RETREG3: variants seen among roughly 807,000 people sequenced by gnomAD.
The protein encoded by RETREG3 is reticulophagy regulator 3.
RETREG3 carries 23 observed loss-of-function variants against 50.2 expected under a neutral mutation model. The observed-to-expected ratio is 0.46, with a 90% confidence interval of 0.33 to 0.65. The LOEUF is 0.65. Ranked by LOEUF, RETREG3 falls within the 30% of genes least tolerant of loss-of-function variation. The probability of loss-of-function intolerance (pLI) is 0.02; values close to 1 mark genes in which losing one functional copy is unlikely to be tolerated. For missense variants in RETREG3, 546 were observed against 598.0 expected (o/e 0.91, Z 0.91); for synonymous variants, 240 against 234.4 (o/e 1.02, Z -0.22).
At chr17:42,605,091 A>G (rs1238293503) in intron 1 of RETREG3, among the ~76,000 whole-genome samples, 1 of 152,154 alleles carries the variant, frequency 6.6e-6, no homozygotes, top group Non-Finnish European at 1.5e-5. Context: ...GTACCTGAAA[A>G]AAAAAAAAGT....
At chr17:42,600,294 G>A (rs970590172) in intron 1 of RETREG3, among the ~76,000 whole-genome samples, 4 of 151,920 alleles carry the variant, frequency 2.6e-5, no homozygotes, top group African/African-American at 9.7e-5. Context: ...GAGGTGGGAG[G>A]ATTGCTAGAG....
chr17:42,599,360 A>C (rs1363096005), intron 1 of RETREG3, among the ~76,000 whole-genome samples: 1 of 152,034 alleles, frequency 6.6e-6, no homozygotes, highest in Non-Finnish European at 1.5e-5. Flanking sequence ...GGAAAAATTG[A>C]AATAGGGTTG....
At chr17:42,595,581 T>G (rs796415030) in intron 1 of RETREG3, among the ~76,000 whole-genome samples, 51 of 152,012 alleles carry the variant, frequency 3.4e-4, no homozygotes, top group African/African-American at 1.2e-3. Context: ...AAAAATAACA[T>G]TTTAAAATCA....
chr17:42,582,504 GA>G (rs1362061103), intron 8 of RETREG3, among the ~76,000 whole-genome samples, 169 bp downstream of exon 8: 2 of 152,222 alleles, frequency 1.3e-5, no homozygotes, highest in Non-Finnish European at 2.9e-5. Flanking sequence ...AAGTCTTCAA[GA>G]AGGGCAGCAG....
At chr17:42,598,940 TTTA>T in intron 1 of RETREG3, 1 of 152,134 alleles carries the variant, frequency 6.6e-6, no homozygotes, top group East Asian at 1.9e-4. Flanking sequence ...TGTTTACCAG[TTTA>T]TTATAAGGGA....
chr17:42,596,535 A>ATCTCTAAAG (rs2093145458), intron 1 of RETREG3: 1 of 152,034 alleles, frequency 6.6e-6, no homozygotes, highest in African/African-American at 2.4e-5. Flanking sequence ...TTCCTTACCC[A>ATCTCTAAAG]TACCATCTCT....
chr17:42,597,527 A>G (rs1181482805), intron 1 of RETREG3, among the ~76,000 whole-genome samples: 1,307 of 128,412 alleles, frequency 0.01, 18 homozygotes, highest in Non-Finnish European at 0.014. Flanking sequence ...GTGTGTGTAT[A>G]TATATATATA....
chr17:42,604,175 C>T (rs1026188525), intron 1 of RETREG3, among the ~76,000 whole-genome samples: 6 of 150,958 alleles, frequency 4.0e-5, no homozygotes, highest in Non-Finnish European at 7.4e-5. Flanking sequence ...TTTGGGGGGG[C>T]GGACAAAAAT....
intron 1 of RETREG3, among the ~76,000 whole-genome samples, chr17:42,605,617 G>C (rs929557378): frequency 6.6e-6 from 1 of 152,126 alleles, no homozygotes; most frequent in Non-Finnish European, 1.5e-5. Context: ...CCAAGTTTCT[G>C]GGGACTTAAC....
In RETREG3 at chr17:42,582,800, C is replaced by T. The variant is rs150018457; in HGVS notation, c.817G>A (p.Asp273Asn). Residue 273 changes from aspartate to asparagine, a missense_variant, in exon 8 of 9, where the codon GAT becomes AAT. Physicochemically the swap from Asp to Asn is conservative, Grantham distance 23 (BLOSUM62 1). Coordinates refer to ENST00000309428, the MANE Select transcript of RETREG3 (RefSeq NM_178126.4). ...ELAAFCPQLD[D>N]STVARELAIT... is the part of the protein sequence containing the mutation. ...GCCAATTCCCTGGCAACAGTAGAAT[C>T]GTCCAGCTTAGGAAAAGACCAACAA... is the stretch of plus-strand genomic sequence containing the variant. 1.0e-4 allele frequency: 163 copies of T among 1,614,184 alleles called. No individual in the cohort carries two copies. In the African/African-American group the frequency reaches 2.0e-3, roughly 19 times the overall value.
chr17:42,590,264 G>C (rs2093129898), intron 2 of RETREG3, among the ~76,000 whole-genome samples: 1 of 152,098 alleles, frequency 6.6e-6, no homozygotes, highest in Admixed American at 6.5e-5. Flanking sequence ...CCAGCTAATT[G>C]GGAGACTGAG....
At chr17:42,606,636 T>G (rs946098263) in intron 1 of RETREG3, among the ~76,000 whole-genome samples, 9 of 151,600 alleles carry the variant, frequency 5.9e-5, no homozygotes, top group African/African-American at 2.2e-4. Context: ...AAAGGTCCCC[T>G]CCTCAAAAAG....
chr17:42,608,979 A>T, intron 1 of RETREG3, 107 bp downstream of exon 1: 1 of 1,167,536 alleles, frequency 8.6e-7, no homozygotes. Context: ...AGGCAAGTAC[A>T]GGAAGGAGCC....
chr17:42,598,468 C>T (rs1282665815), intron 1 of RETREG3, among the ~76,000 whole-genome samples: 2 of 152,102 alleles, frequency 1.3e-5, no homozygotes, highest in East Asian at 3.8e-4. Context: ...CCCATTACCC[C>T]GTCATAAAAG....
intron 1 of RETREG3, among the ~76,000 whole-genome samples, chr17:42,607,221 G>A (rs1320551800): frequency 6.6e-6 from 1 of 152,000 alleles, no homozygotes; most frequent in Non-Finnish European, 1.5e-5. Flanking sequence ...GCACTTGGCT[G>A]GGCACGGTGG....
intron 1 of RETREG3, among the ~76,000 whole-genome samples, chr17:42,602,062 A>C (rs2093159733): frequency 6.6e-6 from 1 of 152,106 alleles, no homozygotes; most frequent in Non-Finnish European, 1.5e-5. Flanking sequence ...CACACCTGTA[A>C]TCCCAGCCTT....
chr17:42,583,643 T>G (rs2093114916), intron 6 of RETREG3, 63 bp from the exon 7 acceptor site: 3 of 1,487,484 alleles, frequency 2.0e-6, no homozygotes, highest in Non-Finnish European at 2.8e-6. Context: ...CCTTTGGACT[T>G]TAAAGACATA....
chr17:42,608,506 C>T (rs1454870959), intron 1 of RETREG3, among the ~76,000 whole-genome samples: 1 of 152,198 alleles, frequency 6.6e-6, no homozygotes, highest in Non-Finnish European at 1.5e-5. Flanking sequence ...TCATCATTTC[C>T]TAACTGTTCT....
chr17:42,594,172 G>A lies in RETREG3; in HGVS notation c.240-2010C>T, dbSNP rs117113240. ...CCACTGCACCTCCAGCCTGGGTAAC[G>A]GAGTGAGATTCTGGTCTCAAAAAAA... is the stretch of plus-strand genomic sequence containing the variant. On this transcript the variant is annotated intron_variant, in intron 1 of 8. Transcript: ENST00000309428. 7.5e-4 allele frequency among the ~76,000 whole-genome samples: 114 copies of A among 152,208 alleles called. No homozygotes were observed. In the East Asian group the frequency reaches 0.016, roughly 21 times the overall value.
Sources: allele counts gnomAD v4.1 joint callset (sites outside exome capture counted in the v4.1 genomes callset), GRCh38; gene constraint gnomAD v4.1.1; transcripts MANE v1.5; gene names NCBI Gene and HGNC (gene_info 2026-07-23, HGNC 2026-07-21).